Variants in SORCS1 observed in about 807,000 individuals in gnomAD.
SORCS1 encodes the protein VPS10 domain-containing receptor SorCS1.
In SORCS1, 60 loss-of-function variants were observed where a neutral mutation model predicts 146.1. The observed-to-expected ratio is 0.41, with a 90% CI of 0.33 to 0.51. The LOEUF (loss-of-function observed/expected upper bound fraction) is 0.51, where lower values mean the gene tolerates loss of function less well. SORCS1 is among the 20% of genes least tolerant of loss of function. The probability of loss-of-function intolerance (pLI) is 0.21; values close to 1 mark genes in which losing one functional copy is unlikely to be tolerated. For missense variants in SORCS1, 1,352 were observed against 1,487.6 expected (o/e 0.91, Z 1.50); for synonymous variants, 637 against 584.0 (o/e 1.09, Z -1.31).
intron 1 of SORCS1, among the ~76,000 whole-genome samples, chr10:107,128,915 A>G (rs916488864): frequency 2.6e-5 from 4 of 152,234 alleles, no homozygotes; most frequent in African/African-American, 9.6e-5. Flanking sequence ...AATACATTAA[A>G]TTCTGCAAAC....
intron 1 of SORCS1, among the ~76,000 whole-genome samples, chr10:107,068,411 T>C (rs1962106846): frequency 6.6e-6 from 1 of 152,202 alleles, no homozygotes; most frequent in Non-Finnish European, 1.5e-5. Context: ...ACATGCCTTA[T>C]ACCAGTTAAA....
chr10:106,758,274 A>C (rs2136227798), intron 5 of SORCS1, among the ~76,000 whole-genome samples: 1 of 152,320 alleles, frequency 6.6e-6, no homozygotes, highest in Non-Finnish European at 1.5e-5. Flanking sequence ...TGCATAAATA[A>C]GACCTCTGGT....
At chr10:107,027,022 A>C (rs74154825) in intron 1 of SORCS1, among the ~76,000 whole-genome samples, 3 of 119,316 alleles carry the variant, frequency 2.5e-5, no homozygotes, top group African/African-American at 9.9e-5. Flanking sequence ...GTATATGTGT[A>C]TATATATATA....
At position 106,794,339 on chromosome 10, in the gene SORCS1, A is replaced by T. The variant is rs188264372; in HGVS notation, c.727-17647T>A. Among the ~76,000 whole-genome samples, 357 of 152,220 alleles carry T rather than the reference A, an allele frequency of 2.3e-3. 4 individuals carry two copies. Among genetic ancestry groups the T allele is most frequent in the African/African-American group, 8.2e-3 (341 of 41,534 alleles). On this transcript the variant is annotated intron_variant, in intron 3 of 25. Coordinates refer to ENST00000263054, the MANE Select transcript of SORCS1 (RefSeq NM_052918.5). The stretch of plus-strand genomic sequence containing the variant: ...TGGCATTTCTTATTGATGTAAGGGG[A>T]AAAAAGCATACATTCTTAGCTAAAA...
intron 1 of SORCS1, among the ~76,000 whole-genome samples, chr10:107,090,174 AG>A (rs989788100): frequency 2.6e-5 from 4 of 152,194 alleles, no homozygotes; most frequent in African/African-American, 9.7e-5. Context: ...TTCCTTGTAC[AG>A]GGGGCAGGAA....
At chr10:107,063,222 T>C (rs1961407657) in intron 1 of SORCS1, among the ~76,000 whole-genome samples, 2 of 152,206 alleles carry the variant, frequency 1.3e-5, no homozygotes, top group South Asian at 4.1e-4. Context: ...GAGTTACTTC[T>C]GATTAGTGGA....
chr10:106,614,996 C>A (rs544522285), intron 21 of SORCS1, among the ~76,000 whole-genome samples: 1 of 152,104 alleles, frequency 6.6e-6, no homozygotes, highest in Non-Finnish European at 1.5e-5. Context: ...AGTAGACAAA[C>A]CTTCCCCTGT....
At chr10:106,903,714 C>A (rs752605331) in intron 2 of SORCS1, among the ~76,000 whole-genome samples, 1 of 152,132 alleles carries the variant, frequency 6.6e-6, no homozygotes, top group Non-Finnish European at 1.5e-5. Flanking sequence ...CTCAGTAGGA[C>A]AAAGGGATCA....
At chr10:107,150,122 C>T (rs1478104807) in intron 1 of SORCS1, among the ~76,000 whole-genome samples, 1 of 152,168 alleles carries the variant, frequency 6.6e-6, no homozygotes, top group Non-Finnish European at 1.5e-5. Context: ...GGTCTATTTC[C>T]ACCAGAATAT....
chr10:106,756,828 C>CA (rs1242966286), intron 5 of SORCS1, among the ~76,000 whole-genome samples: 1 of 150,930 alleles, frequency 6.6e-6, no homozygotes, highest in Non-Finnish European at 1.5e-5. Context: ...TCAAGCCTCT[C>CA]AAAAAAAAAG....
At chr10:107,071,796 G>T (rs112088032) in intron 1 of SORCS1, among the ~76,000 whole-genome samples, 129 of 152,128 alleles carry the variant, frequency 8.5e-4, no homozygotes, top group Middle Eastern at 3.4e-3. Flanking sequence ...TTGAAGAATT[G>T]TTAACTATTA....
intron 1 of SORCS1, among the ~76,000 whole-genome samples, chr10:107,055,636 C>G (rs1960549610): frequency 6.6e-6 from 1 of 152,116 alleles, no homozygotes; most frequent in Non-Finnish European, 1.5e-5. Flanking sequence ...CACTTTTTTT[C>G]CTACCAGACA....
intron 2 of SORCS1, among the ~76,000 whole-genome samples, chr10:106,853,286 C>T (rs1949659971): frequency 6.6e-6 from 1 of 151,986 alleles, no homozygotes; most frequent in African/African-American, 2.4e-5. Context: ...TTTATTGTCT[C>T]TTTAGTATCC....
At chr10:106,800,163 A>G (rs188509114) in intron 3 of SORCS1, among the ~76,000 whole-genome samples, 3 of 152,292 alleles carry the variant, frequency 2.0e-5, no homozygotes, top group Admixed American at 6.5e-5. Context: ...ATTGACCTAT[A>G]GAGGGTGATA....
chr10:107,000,307 T>C (rs1957166256), intron 1 of SORCS1, among the ~76,000 whole-genome samples: 1 of 152,148 alleles, frequency 6.6e-6, no homozygotes, highest in Non-Finnish European at 1.5e-5. Flanking sequence ...TTTTTAGGTA[T>C]GAGTCCATTT....
chr10:106,832,528 T>C (rs1306205777), intron 2 of SORCS1, among the ~76,000 whole-genome samples: 2 of 152,100 alleles, frequency 1.3e-5, no homozygotes, highest in Non-Finnish European at 2.9e-5. Context: ...TTTCCATTCT[T>C]ATCTTAACCT....
At chr10:106,934,100 C>CAAAAAA (rs57432764) in intron 2 of SORCS1, among the ~76,000 whole-genome samples, 24 of 97,510 alleles carry the variant, frequency 2.5e-4, no homozygotes, top group African/African-American at 3.9e-4. Flanking sequence ...TCTCAAAAAA[C>CAAAAAA]AAAAAAAAAA....
At chr10:107,000,178 A>C (rs1399853499) in intron 1 of SORCS1, among the ~76,000 whole-genome samples, 3 of 152,226 alleles carry the variant, frequency 2.0e-5, no homozygotes, top group African/African-American at 7.2e-5. Context: ...TGTTACTGTA[A>C]AAAACAGAGA....
intron 15 of SORCS1, 151 bp from the exon 16 acceptor site, chr10:106,671,518 T>A (rs533159181): frequency 2.0e-6 from 2 of 1,024,702 alleles, no homozygotes; most frequent in South Asian, 1.6e-5. Flanking sequence ...CCTTTTGCGG[T>A]CTAGAGCCCT....
Sources: gnomAD v4.1 joint callset for allele counts (sites outside exome capture counted in the v4.1 genomes callset) on GRCh38, gnomAD v4.1.1 for gene constraint, MANE v1.5 for transcripts, NCBI Gene and HGNC (gene_info 2026-07-23, HGNC 2026-07-21) for gene names.